DOC2B: variants seen among roughly 807,000 people sequenced by gnomAD.
The protein encoded by DOC2B is double C2 domain beta.
DOC2B carries 21 observed loss-of-function variants against 28.9 expected under a neutral mutation model. That is an observed-to-expected ratio of 0.73 (90% confidence interval 0.52 to 1.05). DOC2B has a LOEUF of 1.05. Ranked by LOEUF, DOC2B falls within the 50% of genes least tolerant of loss-of-function variation. The probability of loss-of-function intolerance (pLI) is 0.00; values close to 1 mark genes in which losing one functional copy is unlikely to be tolerated. For synonymous variants in DOC2B, 194 were observed against 178.1 expected, an observed-to-expected ratio of 1.09 and a Z score of -0.71; for missense variants, 384 against 421.1, an observed-to-expected ratio of 0.91 and a Z score of 0.77.
At chr17:166,429 G>C (rs2040265497) in intron 2 of DOC2B, among the ~76,000 whole-genome samples, 1 of 152,236 alleles carries the variant, frequency 6.6e-6, no homozygotes, top group Non-Finnish European at 1.5e-5. Context: ...TTGGGAGTTG[G>C]CAAGAGACAT....
chr17:162,266 G>A (rs1026108712), intron 3 of DOC2B, 76 bp from the exon 4 acceptor site: 16 of 1,080,868 alleles, frequency 1.5e-5, no homozygotes, highest in African/African-American at 3.1e-5. Context: ...AGATGGCCAC[G>A]TGCTCATCTT....
At chr17:149,025 G>T (rs9674464) in intron 7 of DOC2B, 86 bp downstream of exon 7, 1 of 299,474 alleles carries the variant, frequency 3.3e-6, no homozygotes, top group Non-Finnish European at 6.1e-6. Flanking sequence ...TCCCCATCCC[G>T]CCATGACCTT....
intron 7 of DOC2B, among the ~76,000 whole-genome samples, chr17:148,771 T>C (rs1261161691): frequency 6.6e-6 from 1 of 152,142 alleles, no homozygotes; most frequent in African/African-American, 2.4e-5. Context: ...ACTTGCCGCC[T>C]TGGGCGGAAG....
chr17:173,804 G>C (rs1467328757), intron 1 of DOC2B, among the ~76,000 whole-genome samples: 1 of 152,130 alleles, frequency 6.6e-6, no homozygotes, highest in African/African-American at 2.4e-5. Flanking sequence ...CTTAGTGGCT[G>C]GTGTGATCCC....
intron 6 of DOC2B, among the ~76,000 whole-genome samples, chr17:153,941 C>G (rs1013602398): frequency 5.9e-5 from 9 of 152,140 alleles, no homozygotes; most frequent in African/African-American, 2.2e-4. Flanking sequence ...CTGCCCATGT[C>G]CCCTCAAGCT....
intron 1 of DOC2B, among the ~76,000 whole-genome samples, chr17:180,810 C>T (rs2040431930): frequency 6.6e-6 from 1 of 151,996 alleles, no homozygotes; most frequent in South Asian, 2.1e-4. Flanking sequence ...GGCGGGCTGG[C>T]AGGGAGGGGG....
chr17:161,478 G>T lies in DOC2B; in HGVS notation c.702C>A (p.Pro234=). The T allele has an allele frequency of 6.4e-7, 1 of 1,551,730 alleles. No individual in the cohort carries two copies. The change falls in exon 5 of 9, where the codon CCC becomes CCA. Residue 234 remains proline, a synonymous_variant. Transcript: ENST00000613549. The part of the protein sequence containing the change: ...HNEFIGETRV[P]LKKLKPNHTK... ...TGTGGTTGGGTTTCAGCTTCTTCAG[G>T]GGCACACGTGTCTCCCCGATGAACT...
rs543001857 is a variant in DOC2B, at chr17:172,097, G to A, written c.453+440C>T. On this transcript the variant is annotated intron_variant, in intron 2 of 8. Transcript: ENST00000613549. Reference sequence around the variant, plus strand: ...GGCTCAGGCCGTGGACACCCTGCCTGGAGTGGCATCGGCCTCCTACAGTGG... The same window carrying A: ...GGCTCAGGCCGTGGACACCCTGCCTAGAGTGGCATCGGCCTCCTACAGTGG... 3.5e-3 allele frequency among the ~76,000 whole-genome samples: 539 copies of A among 152,190 alleles called. 9 individuals are homozygous for A. The highest frequency in any genetic ancestry group is 0.012 in the African/African-American group (516 of 41,496).
In DOC2B at chr17:181,459, C is replaced by G; in HGVS notation, c.21G>C (p.Gly7=). Residue 7 remains glycine (G), a synonymous_variant, in exon 1 of 9, where the codon GGG becomes GGC. Transcript: ENST00000613549. This position sits in a 1 kb window ranked among gnomAD's most constrained non-coding sequence, Gnocchi z 7.0. Reference sequence around the variant, plus strand: ...CCTGGATGCTGATGGTCGCCTTCTCCCCGCGCCGCCGGAGGGTCATGCAGG... The same window carrying G: ...CCTGGATGCTGATGGTCGCCTTCTCGCCGCGCCGCCGGAGGGTCATGCAGG... The part of the protein sequence containing the change: MTLRRR[G]EKATISIQEH... 8.9e-7 allele frequency: 1 copy of G among 1,129,558 alleles called. No homozygotes were observed. Among genetic ancestry groups the G allele is most frequent in the Admixed American group, 3.7e-5 (1 of 27,390 alleles). 70.0% of individuals were successfully genotyped at this position (1,129,558 alleles called of 1,614,324 possible). A position where few individuals can be genotyped will look rare whatever the true frequency, so the allele number is the denominator to read the frequency against.
chr17:161,929 T>C (rs1555523300), intron 4 of DOC2B, among the ~76,000 whole-genome samples, 152 bp downstream of exon 4: 1 of 152,144 alleles, frequency 6.6e-6, no homozygotes, highest in Non-Finnish European at 1.5e-5. Flanking sequence ...GGGCAGACCT[T>C]TCTGCCTTTC....
rs376284119 is a variant in DOC2B at position 156,102 on chromosome 17, G to A, written c.923+118C>T. ...AAGGTAGCCCATCAGGGAACACAGC[G>A]CCCCTGTACCTCAGGCACTCCCTGG... On this transcript the variant is annotated intron_variant, in intron 6 of 8. Transcript: ENST00000613549. The A allele has an allele frequency of 6.2e-5, 72 of 1,161,672 alleles. 2 individuals are homozygous for A. The highest frequency in any genetic ancestry group is 5.8e-4 in the South Asian group (36 of 61,728). 72.0% of individuals were successfully genotyped at this position (1,161,672 alleles called of 1,614,324 possible).
intron 6 of DOC2B, among the ~76,000 whole-genome samples, chr17:150,064 G>A (rs1431155610): frequency 6.6e-6 from 1 of 152,190 alleles, no homozygotes; most frequent in African/African-American, 2.4e-5. Flanking sequence ...CTGAGGCTCA[G>A]AGAGGGGGAG....
rs996114567 is a variant in DOC2B, at chr17:156,391, C to T, written c.766-14G>A. On this transcript the variant is annotated splice_polypyrimidine_tract_variant and intron_variant, in intron 5 of 8. Coordinates refer to ENST00000613549, the MANE Select transcript of DOC2B (RefSeq NM_003585.5). ...AGTCTTGTCCACCTGTTGGACGGGA[C>T]GGTCACTCAGTCCTCACCTGCTCCC... 2.5e-5 allele frequency: 38 copies of T among 1,550,764 alleles called. No homozygotes were observed. Among genetic ancestry groups the T allele is most frequent in the African/African-American group, 2.2e-4 (16 of 73,018 alleles).
At chr17:147,681 C>T (rs2040030857) in intron 8 of DOC2B, 104 bp from the exon 9 acceptor site, 1 of 398,358 alleles carries the variant, frequency 2.5e-6, no homozygotes, top group Admixed American at 4.4e-5. Context: ...CAGCCTCTCC[C>T]ACTGCCCGCT....
At chr17:150,448 G>A (rs936036403) in intron 6 of DOC2B, among the ~76,000 whole-genome samples, 16 of 151,938 alleles carry the variant, frequency 1.1e-4, no homozygotes, top group East Asian at 1.9e-4. Context: ...CCAAAGACAC[G>A]CCCATGTCCA....
chr17:147,693 G>A, intron 8 of DOC2B, 116 bp from the exon 9 acceptor site: 1 of 398,336 alleles, frequency 2.5e-6, no homozygotes, highest in Non-Finnish European at 4.4e-6. Context: ...CTGCCCGCTG[G>A]GTTCTGAGCA....
intron 1 of DOC2B, among the ~76,000 whole-genome samples, chr17:180,457 CGGCCCTGGCGAGGG>C (rs1192457759): frequency 6.6e-6 from 1 of 152,166 alleles, no homozygotes; most frequent in African/African-American, 2.4e-5. Context: ...CGAAGGTGCG[CGGCCCTGGCGAGGG>C]CTGCGGCGGG....
chr17:172,135 G>A (rs1447473613), intron 2 of DOC2B, among the ~76,000 whole-genome samples: 1 of 152,034 alleles, frequency 6.6e-6, no homozygotes, highest in Non-Finnish European at 1.5e-5. Flanking sequence ...CGGCTTCCAG[G>A]GTGCAAAGTG....
rs1197589297 is a variant in DOC2B, at chr17:156,360, G to C, written c.783C>G (p.Asp261Glu). The change falls in exon 6 of 9, where the codon GAC (aspartate) becomes GAG (glutamate). Residue 261 changes from aspartate (D) to glutamate (E), a missense_variant. Physicochemically the swap from Asp to Glu is conservative, Grantham distance 45 (BLOSUM62 2). Transcript: ENST00000613549. ...TGCGGCCCCGCTCCTCCAGGGACTT[G>C]TCTTCAGTCTTGTCCACCTGTTGGA... is the stretch of plus-strand genomic sequence containing the variant. ...EKQLPVDKTE[D>E]KSLEERGRIL... 5 of 1,551,316 alleles carry C rather than the reference G, an allele frequency of 3.2e-6. No individual in the cohort carries two copies. The highest frequency in any genetic ancestry group is 3.9e-5 in the Admixed American group (2 of 50,956).
Sources: allele counts gnomAD v4.1 joint callset (sites outside exome capture counted in the v4.1 genomes callset), GRCh38; gene constraint gnomAD v4.1.1; non-coding constraint Gnocchi (gnomAD v3.1); transcripts MANE v1.5; gene names NCBI Gene and HGNC (gene_info 2026-07-23, HGNC 2026-07-21).